The following KLHL32 variants were observed in gnomAD, a reference collection of about 807,000 sequenced individuals.
The protein encoded by KLHL32 is kelch-like protein 32.
A neutral mutation model predicts 64.8 loss-of-function variants in KLHL32; 35 were observed. The observed-to-expected ratio is 0.54, with a 90% CI of 0.41 to 0.72. The LOEUF (loss-of-function observed/expected upper bound fraction) is 0.72, where lower values mean the gene tolerates loss of function less well. Among genes scored for constraint, KLHL32 ranks in the 30% least tolerant of loss-of-function variants. The probability of loss-of-function intolerance (pLI) is 0.00; values close to 1 mark genes in which losing one functional copy is unlikely to be tolerated. For missense variants in KLHL32, 589 were observed against 768.5 expected (o/e 0.77, Z 2.76); for synonymous variants, 259 against 281.0 (o/e 0.92, Z 0.78).
chr6:96,965,245 T>C (rs1463146206), intron 1 of KLHL32, among the ~76,000 whole-genome samples: 1 of 152,216 alleles, frequency 6.6e-6, no homozygotes, highest in Non-Finnish European at 1.5e-5. Context: ...TTAAATTCAG[T>C]CTACCACTGG....
At chr6:97,023,485 G>T (rs1582748768) in intron 3 of KLHL32, among the ~76,000 whole-genome samples, 1 of 152,112 alleles carries the variant, frequency 6.6e-6, no homozygotes, top group Non-Finnish European at 1.5e-5. Flanking sequence ...AAGCTGCTGT[G>T]GGGGTGGGAA....
At chr6:97,134,153 A>G (rs1001417707) in intron 10 of KLHL32, among the ~76,000 whole-genome samples, 2 of 152,218 alleles carry the variant, frequency 1.3e-5, no homozygotes, top group African/African-American at 2.4e-5. Context: ...ATATAGCTTC[A>G]TAAGTTAGAA....
intron 5 of KLHL32, among the ~76,000 whole-genome samples, chr6:97,082,429 C>T (rs780550181): frequency 1.3e-5 from 2 of 151,864 alleles, no homozygotes; most frequent in Non-Finnish European, 2.9e-5. Flanking sequence ...CTGGCTAACA[C>T]GGTGAAACCC....
the KLHL32 span, among the ~76,000 whole-genome samples, chr6:96,911,391 A>G: frequency 4.0e-5 from 6 of 150,430 alleles, no homozygotes; most frequent in East Asian, 9.7e-4. Context: ...AGCATTTTCA[A>G]CTTCCCCCCA....
intron 3 of KLHL32, among the ~76,000 whole-genome samples, chr6:96,980,110 C>G (rs1464221545): frequency 6.6e-6 from 1 of 152,162 alleles, no homozygotes; most frequent in Non-Finnish European, 1.5e-5. Context: ...CATCTGCAAA[C>G]AGGGATAGTT....
At position 97,139,310 on chromosome 6, in the gene KLHL32, A is replaced by C; in HGVS notation, c.*28A>C. Reference sequence around the variant, plus strand: ...AGCCAAGCCATCATGAACAGGAGGAAAACATAGCTCTGACTGTTGGATACT... The same window carrying C: ...AGCCAAGCCATCATGAACAGGAGGACAACATAGCTCTGACTGTTGGATACT... On this transcript the variant is annotated 3_prime_UTR_variant, in exon 11 of 11. Transcript: ENST00000369261. 1 of 1,593,874 alleles carries C rather than the reference A, an allele frequency of 6.3e-7. No homozygotes were observed. The highest frequency in any genetic ancestry group is 8.6e-7 in the Non-Finnish European group (1 of 1,165,174).
At chr6:96,907,292 A>G in the KLHL32 span, among the ~76,000 whole-genome samples, 3 of 152,154 alleles carry the variant, frequency 2.0e-5, no homozygotes, top group African/African-American at 7.2e-5. Context: ...TCTTCTATAT[A>G]CTTTCCCATT....
intron 1 of KLHL32, among the ~76,000 whole-genome samples, chr6:96,942,918 T>G (rs534711003): frequency 1.3e-5 from 2 of 152,196 alleles, no homozygotes; most frequent in East Asian, 3.9e-4. Flanking sequence ...TGTTCACCTC[T>G]CTCTTGCCCA....
At chr6:97,046,965 G>A (rs954844048) in intron 4 of KLHL32, among the ~76,000 whole-genome samples, 3 of 152,178 alleles carry the variant, frequency 2.0e-5, no homozygotes. Context: ...GTTGTAATAT[G>A]CATAGTATGA....
At chr6:96,965,508 C>T (rs1774355159) in intron 1 of KLHL32, among the ~76,000 whole-genome samples, 1 of 152,172 alleles carries the variant, frequency 6.6e-6, no homozygotes, top group Admixed American at 6.5e-5. Context: ...AGGATTTTTG[C>T]TCTCCATTCA....
chr6:97,036,302 A>G (rs980370310), intron 3 of KLHL32, among the ~76,000 whole-genome samples: 2 of 152,152 alleles, frequency 1.3e-5, no homozygotes, highest in Admixed American at 1.3e-4. Flanking sequence ...TGAGTTGTCT[A>G]TATGTGTTCA....
chr6:96,930,814 C>T (rs1315034496), intron 1 of KLHL32, among the ~76,000 whole-genome samples: 2 of 152,044 alleles, frequency 1.3e-5, no homozygotes, highest in Non-Finnish European at 2.9e-5. Flanking sequence ...CCTGGAGCAT[C>T]GGCCTGGTCA....
intron 9 of KLHL32, among the ~76,000 whole-genome samples, chr6:97,131,250 G>A (rs1361202780): frequency 2.0e-5 from 3 of 152,148 alleles, no homozygotes; most frequent in Admixed American, 6.5e-5. Flanking sequence ...ATACAAGTAG[G>A]AGGAACCAGA....
intron 5 of KLHL32, 70 bp downstream of exon 5, chr6:97,064,796 A>C: frequency 7.9e-7 from 1 of 1,262,972 alleles, no homozygotes; most frequent in Non-Finnish European, 1.2e-6. Flanking sequence ...CTGGCCCCCA[A>C]CAACTGGAGC....
intron 5 of KLHL32, among the ~76,000 whole-genome samples, chr6:97,068,902 C>T (rs980695090): frequency 1.3e-5 from 2 of 152,044 alleles, no homozygotes; most frequent in Non-Finnish European, 2.9e-5. Context: ...TGTCATTAAG[C>T]GGCATTAGTT....
intron 6 of KLHL32, among the ~76,000 whole-genome samples, chr6:97,100,321 T>C (rs1208901984): frequency 1.3e-5 from 2 of 152,198 alleles, no homozygotes; most frequent in Non-Finnish European, 2.9e-5. Context: ...ATTCACCTAG[T>C]ACAGGTAGTC....
chr6:96,948,206 C>T (rs115899073), intron 1 of KLHL32, among the ~76,000 whole-genome samples: 281 of 152,210 alleles, frequency 1.8e-3, no homozygotes, highest in African/African-American at 6.6e-3. Flanking sequence ...GTACAATGAG[C>T]GGTGTGAATT....
At chr6:97,041,377 T>C (rs1355509293) in intron 3 of KLHL32, 115 bp from the exon 4 acceptor site, 1 of 658,498 alleles carries the variant, frequency 1.5e-6, no homozygotes, top group African/African-American at 1.8e-5. Context: ...ATTTCAAAAA[T>C]CAAAATCAAT....
rs1425087428 is a variant in KLHL32, at chr6:96,986,004, T to C, written c.204+9827T>C. 3.9e-5 allele frequency among the ~76,000 whole-genome samples: 6 copies of C among 152,214 alleles called. No individual in the cohort carries two copies. In the South Asian group the frequency reaches 6.2e-4, roughly 16 times the overall value. ...TGTTTTTTCCCTATCTTTGTGGATTTATCTACCTTTGGTCTTTGATGATGG... is the reference window on the plus strand; with the variant it reads ...TGTTTTTTCCCTATCTTTGTGGATTCATCTACCTTTGGTCTTTGATGATGG... On this transcript the variant is annotated intron_variant, in intron 3 of 10. Coordinates refer to ENST00000369261, the MANE Select transcript of KLHL32 (RefSeq NM_052904.4).
Sources: gnomAD v4.1 joint callset for allele counts (sites outside exome capture counted in the v4.1 genomes callset) on GRCh38, gnomAD v4.1.1 for gene constraint, MANE v1.5 for transcripts, NCBI Gene and HGNC (gene_info 2026-07-23, HGNC 2026-07-21) for gene names.